MDN1: variants seen among roughly 807,000 people sequenced by gnomAD.
The protein encoded by MDN1 is midasin.
Under a neutral mutation model 669.2 loss-of-function variants are expected in MDN1, and 266 were observed. That is an observed-to-expected ratio of 0.40 (90% CI 0.36 to 0.44). MDN1 has a LOEUF of 0.44. Ranked by LOEUF, MDN1 falls within the 20% of genes least tolerant of loss-of-function variation. MDN1 has a pLI of 1.00. For synonymous variants in MDN1, 2,385 were observed against 2,457.1 expected, an observed-to-expected ratio of 0.97 and a Z score of 0.87; for missense variants, 5,940 against 6,754.0, an observed-to-expected ratio of 0.88 and a Z score of 4.22.
chr6:89,732,858 C>T, intron 33 of MDN1, 83 bp from the exon 34 acceptor site: 1 of 1,230,418 alleles, frequency 8.1e-7, no homozygotes, highest in Non-Finnish European at 1.2e-6. Flanking sequence ...ACACAAATGG[C>T]CTAAAAGGGG....
At chr6:89,685,219 T>C (rs1811927079) in intron 70 of MDN1, among the ~76,000 whole-genome samples, 1 of 152,110 alleles carries the variant, frequency 6.6e-6, no homozygotes, top group Non-Finnish European at 1.5e-5. Flanking sequence ...AGATGTTTTT[T>C]TGCACTTTTG....
Position 89,655,877 on chromosome 6 carries a change from G to T in MDN1, c.15377C>A (p.Thr5126Lys). 2 of 1,614,054 alleles carry T rather than the reference G, an allele frequency of 1.2e-6. No homozygotes were observed. The highest frequency in any genetic ancestry group is 1.1e-5 in the South Asian group (1 of 91,076). Reference sequence around the variant, plus strand: ...TGGCCCCTGCTCGGCATGGCTGTCCGTATCCACAGTCCTCAGCCTCTTGTG... The same window carrying T: ...TGGCCCCTGCTCGGCATGGCTGTCCTTATCCACAGTCCTCAGCCTCTTGTG... ...RVHKRLRTVD[T>K]DSHAEQGPAQ... Residue 5126 changes from threonine to lysine, a missense_variant, in exon 92 of 102, where the codon ACG becomes AAG. Around this residue, in one of 5 missense-constraint regions of MDN1, gnomAD observed 2,280 missense variants for 2,576.3 expected, o/e 0.88. Transcript: ENST00000369393.
chr6:89,805,547 C>T (rs925220358), intron 1 of MDN1, among the ~76,000 whole-genome samples: 1 of 152,010 alleles, frequency 6.6e-6, no homozygotes, highest in Non-Finnish European at 1.5e-5. Flanking sequence ...CCTGTCTCCC[C>T]CCACAACAAA....
At chr6:89,794,306 C>A in intron 3 of MDN1, 99 bp from the exon 4 acceptor site, 1 of 709,224 alleles carries the variant, frequency 1.4e-6, no homozygotes. Flanking sequence ...AAGGAAATCT[C>A]AATTATTACA....
Position 89,762,492 on chromosome 6 carries a change from A to T in MDN1, c.2183T>A (p.Leu728Ter). Residue 728 changes from leucine to a stop codon, truncating the protein, a stop_gained, in exon 16 of 102, where the codon TTA (leucine) becomes TAA (stop). Coordinates refer to ENST00000369393, the MANE Select transcript of MDN1 (RefSeq NM_014611.3). LOFTEE classifies it high-confidence loss of function. ...AAAGAGTTCCTCAAATGCCTCCCGT[A>T]AGGGTAGCCAAATAAGCTTATGGTC... Reference protein sequence around the residue: ...PVDHKLIWLPLREAFEELFAQ... With the variant: ...PVDHKLIWLP 6.2e-7 allele frequency: 1 copy of T among 1,614,080 alleles called. No homozygotes were observed. Among genetic ancestry groups the T allele is most frequent in the Non-Finnish European group, 8.5e-7 (1 of 1,179,924 alleles).
chr6:89,735,595 A>T (rs1442576425), intron 33 of MDN1, among the ~76,000 whole-genome samples: 2 of 152,114 alleles, frequency 1.3e-5, no homozygotes, highest in Non-Finnish European at 2.9e-5. Context: ...TACTACAGAG[A>T]TTTGTGAACT....
At chr6:89,815,020 G>A in intron 1 of MDN1, 1 of 593,888 alleles carries the variant, frequency 1.7e-6, no homozygotes, top group Non-Finnish European at 2.8e-6. Context: ...GGAGACCCAG[G>A]TGAAGGCCAG....
In MDN1 at chr6:89,666,018, G is replaced by A. The variant is rs377681930; in HGVS notation, c.14095-1390C>T. 2.6e-5 allele frequency among the ~76,000 whole-genome samples: 4 copies of A among 152,242 alleles called. No homozygotes were observed. The South Asian group carries it at 6.2e-4, about 24-fold the overall frequency. ...ACTATGCCACTGCACTCCAGCCTTG[G>A]GGAGAGAGCAAGACTCTGTCTCCAA... On this transcript the variant is annotated intron_variant, in intron 84 of 101. Transcript: ENST00000369393.
At position 89,674,550 on chromosome 6, in the gene MDN1, C is replaced by A; in HGVS notation, c.12801G>T (p.Leu4267=). 6.3e-7 allele frequency: 1 copy of A among 1,593,220 alleles called. No individual in the cohort carries two copies. The highest frequency in any genetic ancestry group is 8.5e-7 in the Non-Finnish European group (1 of 1,174,448). ...CCACGGGGTAGGCCTGGGGCCCCAT[C>A]AGCCTGCTGTGAATCTCTTGCACAC... ...LSCVQEIHSR[L]MGPQAYPVAF... is the part of the protein sequence containing the mutation. Residue 4267 remains leucine (L), a synonymous_variant, in exon 79 of 102, where the codon CTG becomes CTT. Transcript: ENST00000369393.
Position 89,819,723 on chromosome 6 carries a change from G to T in MDN1, c.-116C>A. On this transcript the variant is annotated 5_prime_UTR_variant, in exon 1 of 102. Transcript: ENST00000369393. Reference sequence around the variant, plus strand: ...CAGCAACTACGCCCGCAGGAAAGGCGTCCTCAGCTCCAGCGCCTACACCGG... The same window carrying T: ...CAGCAACTACGCCCGCAGGAAAGGCTTCCTCAGCTCCAGCGCCTACACCGG... 2.5e-6 allele frequency: 2 copies of T among 793,576 alleles called. No homozygotes were observed. The highest frequency in any genetic ancestry group is 2.5e-5 in the East Asian group (1 of 39,484). The allele number at this position is 793,576 out of a possible 1,614,324, so 49.2% of individuals were successfully genotyped here. A position where few individuals can be genotyped will look rare whatever the true frequency, so the allele number is the denominator to read the frequency against.
chr6:89,797,012 G>A (rs1164983607), intron 2 of MDN1, among the ~76,000 whole-genome samples: 1 of 151,828 alleles, frequency 6.6e-6, no homozygotes, highest in African/African-American at 2.4e-5. Context: ...AGGTTGCAGT[G>A]AGCCAAGACA....
intron 33 of MDN1, among the ~76,000 whole-genome samples, chr6:89,734,612 A>AGTACAG (rs1357411393): frequency 7.0e-6 from 1 of 142,426 alleles, no homozygotes; most frequent in Non-Finnish European, 1.5e-5. Context: ...GTGAGTCAAT[A>AGTACAG]TTGTGCCACT....
At chr6:89,789,651 T>C in intron 7 of MDN1, 129 bp downstream of exon 7, 8 of 1,073,518 alleles carry the variant, frequency 7.5e-6, no homozygotes, top group Non-Finnish European at 1.1e-5. Context: ...AACCATGAAG[T>C]ACCTGCAACA....
At chr6:89,791,594 G>A (rs575576528) in intron 5 of MDN1, among the ~76,000 whole-genome samples, 74 of 152,182 alleles carry the variant, frequency 4.9e-4, no homozygotes, top group African/African-American at 1.6e-3. Context: ...GAATATGTGC[G>A]ACATTTTCTG....
Position 89,655,758 on chromosome 6 carries a change from C to A in MDN1, c.15490+6G>T. 2 of 1,593,998 alleles carry A rather than the reference C, an allele frequency of 1.3e-6. No individual in the cohort carries two copies. Among genetic ancestry groups the A allele is most frequent in the Non-Finnish European group, 1.7e-6 (2 of 1,169,824 alleles). ...GGCAAAGGCAGCAGCTTTCCCAGGACCGTACCATAGGTCTGTGCATCGTAT... is the reference window on the plus strand; with the variant it reads ...GGCAAAGGCAGCAGCTTTCCCAGGAACGTACCATAGGTCTGTGCATCGTAT... On this transcript the variant is annotated splice_donor_region_variant and intron_variant, in intron 92 of 101. Coordinates refer to ENST00000369393, the MANE Select transcript of MDN1 (RefSeq NM_014611.3).
At chr6:89,675,259 G>C (rs1811103491) in intron 78 of MDN1, 1 of 552,340 alleles carries the variant, frequency 1.8e-6, no homozygotes, top group Non-Finnish European at 3.2e-6. Flanking sequence ...AGGAGGTTCA[G>C]AGCACGGAGG....
chr6:89,731,042 A>C, intron 34 of MDN1, 119 bp from the exon 35 acceptor site: 1 of 774,602 alleles, frequency 1.3e-6, no homozygotes, highest in South Asian at 1.8e-5. Context: ...CTGCAGCCTA[A>C]ATGTGATTTC....
At chr6:89,673,103 C>A in intron 80 of MDN1, 133 bp downstream of exon 80, 2 of 752,858 alleles carry the variant, frequency 2.7e-6, no homozygotes, top group Non-Finnish European at 4.3e-6. Flanking sequence ...TCAACCGCAC[C>A]TCCCTGCCTC....
In MDN1 at chr6:89,750,511, C is replaced by T. The variant is rs1816883945; in HGVS notation, c.3249G>A (p.Gln1083=). The T allele has an allele frequency of 6.2e-7, 1 of 1,613,440 alleles. No individual in the cohort carries two copies. The highest frequency in any genetic ancestry group is 8.5e-7 in the Non-Finnish European group (1 of 1,179,446). ...VSAGTYPVLI[Q]GETSVGKTSL... is the part of the protein sequence containing the mutation. ...TTGTTTTACCAACTGATGTCTCTCC[C>T]TGAATCAGCACTGGATAGGTTCTGT... Residue 1083 remains glutamine, a synonymous_variant, in exon 24 of 102, where the codon CAG becomes CAA. Transcript: ENST00000369393.
Sources: allele counts gnomAD v4.1 joint callset (sites outside exome capture counted in the v4.1 genomes callset), GRCh38; gene constraint gnomAD v4.1.1; regional missense constraint gnomAD v4.1.1; transcripts MANE v1.5; gene names NCBI Gene and HGNC (gene_info 2026-07-23, HGNC 2026-07-21).